Variants in KIF3C observed in about 807,000 individuals in gnomAD.
The protein encoded by KIF3C is kinesin family member 3C, also known as kinesin-like protein KIF3C.
A neutral mutation model predicts 67.7 loss-of-function variants in KIF3C; 12 were observed. That is an observed-to-expected ratio of 0.18 (90% CI 0.11 to 0.29). The LOEUF is 0.29. Among genes scored for constraint, KIF3C ranks in the 10% least tolerant of loss-of-function variants. The probability of loss-of-function intolerance (pLI) is 1.00; values close to 1 mark genes in which losing one functional copy is unlikely to be tolerated. For synonymous variants in KIF3C, 393 were observed against 426.2 expected (o/e 0.92, Z 0.96); for missense variants, 789 against 1,059.6 (o/e 0.74, Z 3.55).
At chr2:25,953,617 C>T (rs1663706544) in intron 4 of KIF3C, among the ~76,000 whole-genome samples, 1 of 151,674 alleles carries the variant, frequency 6.6e-6, no homozygotes, top group Non-Finnish European at 1.5e-5. Flanking sequence ...GCCTCAGCCT[C>T]CCAAAGTGCT....
Position 25,980,434 on chromosome 2 carries a change from T to G in KIF3C, c.1484A>C (p.Lys495Thr). 6.2e-7 allele frequency: 1 copy of G among 1,614,108 alleles called. No individual in the cohort carries two copies. The highest frequency in any genetic ancestry group is 8.5e-7 in the Non-Finnish European group (1 of 1,180,010). ...TTCCCGCCGCAGGTCCTCCAGCATCTTCTCCTTCTCCTCCAGCAGCTTCTG... is the reference window on the plus strand; with the variant it reads ...TTCCCGCCGCAGGTCCTCCAGCATCGTCTCCTTCTCCTCCAGCAGCTTCTG... The part of the protein sequence containing the change: ...EKQKLLEEKE[K>T]MLEDLRREQQ... Residue 495 changes from lysine (K) to threonine (T), a missense_variant, in exon 1 of 8, where the codon AAG becomes ACG. By Grantham distance (78) the Lys-to-Thr change is moderately conservative. Coordinates refer to ENST00000264712, the MANE Select transcript of KIF3C (RefSeq NM_002254.8). The surrounding 1 kb of genome is among the most constrained non-coding windows in gnomAD (Gnocchi z 7.6).
rs564759712 is a variant in KIF3C, at chr2:25,928,661, G to A, written c.*317C>T. The A allele has an allele frequency of 7.1e-5, 15 of 212,390 alleles. No homozygotes were observed. The highest frequency in any genetic ancestry group is 1.4e-4 in the Non-Finnish European group (15 of 105,658). 13.2% of individuals were successfully genotyped at this position (212,390 alleles called of 1,614,324 possible). On this transcript the variant is annotated 3_prime_UTR_variant, in exon 8 of 8. Transcript: ENST00000264712. ...TTCCCTTCTGGAGGCAGCTGACAGG[G>A]GGACAAGCCTGAGATCTGACTGGGG...
intron 1 of KIF3C, among the ~76,000 whole-genome samples, chr2:25,962,878 A>G (rs1286521038): frequency 1.5e-5 from 1 of 67,524 alleles, no homozygotes; most frequent in Non-Finnish European, 2.6e-5. Context: ...TATAATATAT[A>G]AAATATATAT....
intron 1 of KIF3C, among the ~76,000 whole-genome samples, chr2:25,975,520 C>G (rs995758301): frequency 6.6e-6 from 1 of 152,176 alleles, no homozygotes; most frequent in Admixed American, 6.5e-5. Context: ...CAGTTCCCAA[C>G]CTGATATTCC....
At chr2:25,946,412 C>T (rs552177200) in intron 5 of KIF3C, among the ~76,000 whole-genome samples, 20 of 151,540 alleles carry the variant, frequency 1.3e-4, no homozygotes, top group East Asian at 9.8e-4. Flanking sequence ...AAAATTAGGC[C>T]GGGCATGGTG....
At position 25,928,956 on chromosome 2, in the gene KIF3C, G is replaced by A. The variant is rs764869121; in HGVS notation, c.*22C>T. 1.2e-6 allele frequency: 2 copies of A among 1,604,636 alleles called. No individual in the cohort carries two copies. The highest frequency in any genetic ancestry group is 2.2e-5 in the East Asian group (1 of 44,832). ...GCCCCATCCCAGGAGTCTATTGGAT[G>A]GGCAGCCTGACGTGATGGTTGTCAC... On this transcript the variant is annotated 3_prime_UTR_variant, in exon 8 of 8. Transcript: ENST00000264712.
intron 4 of KIF3C, among the ~76,000 whole-genome samples, chr2:25,952,871 TAA>T (rs1663660517): frequency 1.3e-5 from 2 of 152,118 alleles, no homozygotes; most frequent in Non-Finnish European, 2.9e-5. Flanking sequence ...TAAAATAACT[TAA>T]AGAGTGTAAC....
At chr2:25,976,598 A>G (rs894244661) in intron 1 of KIF3C, among the ~76,000 whole-genome samples, 2 of 152,064 alleles carry the variant, frequency 1.3e-5, no homozygotes, top group East Asian at 1.9e-4. Context: ...CGTCTCTACT[A>G]AAAATACAAA....
At chr2:25,959,305 A>T (rs796986307) in intron 1 of KIF3C, among the ~76,000 whole-genome samples, 1 of 152,158 alleles carries the variant, frequency 6.6e-6, no homozygotes. Context: ...ATTCATTTAC[A>T]TGCTGTCCCC....
intron 1 of KIF3C, among the ~76,000 whole-genome samples, chr2:25,956,756 G>A (rs534641181): frequency 1.6e-4 from 25 of 152,288 alleles, no homozygotes; most frequent in African/African-American, 6.0e-4. Context: ...AGGAGGATGG[G>A]GGTGGCAACC....
At chr2:25,954,662 C>T (rs935592214) in intron 3 of KIF3C, among the ~76,000 whole-genome samples, 17 of 152,186 alleles carry the variant, frequency 1.1e-4, no homozygotes, top group Non-Finnish European at 2.4e-4. Flanking sequence ...GGGAGGGGAC[C>T]CCAGGGACCT....
intron 4 of KIF3C, among the ~76,000 whole-genome samples, chr2:25,952,563 AT>A (rs371570181): frequency 0.02 from 2,089 of 103,638 alleles, 23 homozygotes; most frequent in Non-Finnish European, 0.031. Context: ...ATATATATAT[AT>A]TTTTTTTTTT....
intron 1 of KIF3C, 59 bp from the exon 2 acceptor site, chr2:25,956,503 T>A: frequency 7.4e-7 from 1 of 1,346,422 alleles, no homozygotes; most frequent in Non-Finnish European, 1.1e-6. Context: ...CATTGCTAGC[T>A]GGAGAGATTT....
chr2:25,974,725 T>A (rs921702238), intron 1 of KIF3C, among the ~76,000 whole-genome samples: 1 of 151,170 alleles, frequency 6.6e-6, no homozygotes, highest in African/African-American at 2.4e-5. Context: ...AGGGATAGAG[T>A]GTCAAAAATA....
intron 5 of KIF3C, among the ~76,000 whole-genome samples, chr2:25,931,799 G>A (rs1462517558): frequency 4.0e-5 from 6 of 151,596 alleles, no homozygotes; most frequent in Admixed American, 2.6e-4. Context: ...CACCACACCC[G>A]GCTAATTTTT....
rs1043169052 is a variant in KIF3C at position 25,928,903 on chromosome 2, C to T, written c.*75G>A. 47 of 1,256,928 alleles carry T rather than the reference C, an allele frequency of 3.7e-5. No individual in the cohort carries two copies. Among genetic ancestry groups the T allele is most frequent in the Middle Eastern group, 2.6e-4 (1 of 3,808 alleles). The allele number at this position is 1,256,928 out of a possible 1,614,324, so 77.9% of individuals were successfully genotyped here. ...TGCACGCACACGCACACGCACCAAG[C>T]GGCAGATGAGATGAGCCAGGGTTGG... On this transcript the variant is annotated 3_prime_UTR_variant, in exon 8 of 8. Coordinates refer to ENST00000264712, the MANE Select transcript of KIF3C (RefSeq NM_002254.8).
intron 5 of KIF3C, among the ~76,000 whole-genome samples, chr2:25,946,802 C>T (rs1405498028): frequency 1.3e-5 from 2 of 151,664 alleles, no homozygotes; most frequent in African/African-American, 2.4e-5. Context: ...TGCAGTGAGC[C>T]GAGATCGCGC....
intron 1 of KIF3C, among the ~76,000 whole-genome samples, chr2:25,979,303 C>CG (rs1664502425): frequency 6.6e-6 from 1 of 151,970 alleles, no homozygotes; most frequent in South Asian, 2.1e-4. Flanking sequence ...TGGAAGGTCC[C>CG]GGGGGTGAGG....
chr2:25,945,160 G>A (rs1437866405), intron 5 of KIF3C, among the ~76,000 whole-genome samples: 1 of 151,908 alleles, frequency 6.6e-6, no homozygotes, highest in Non-Finnish European at 1.5e-5. Context: ...AGGGAACACT[G>A]TCCAATTGGT....
Sources: allele counts gnomAD v4.1 joint callset (sites outside exome capture counted in the v4.1 genomes callset), GRCh38; gene constraint gnomAD v4.1.1; non-coding constraint Gnocchi (gnomAD v3.1); transcripts MANE v1.5; gene names NCBI Gene and HGNC (gene_info 2026-07-23, HGNC 2026-07-21).